PPIL3: variants seen among roughly 807,000 people sequenced by gnomAD.
The protein encoded by PPIL3 is peptidylprolyl isomerase like 3.
In PPIL3, 13 loss-of-function variants were observed where a neutral mutation model predicts 20.9. The observed-to-expected ratio is 0.62, with a 90% CI of 0.40 to 0.99. The LOEUF (loss-of-function observed/expected upper bound fraction) is 0.99, where lower values mean the gene tolerates loss of function less well. Ranked by LOEUF, PPIL3 falls within the 50% of genes least tolerant of loss-of-function variation. PPIL3 has a pLI of 0.00. For missense variants in PPIL3, 170 were observed against 195.2 expected, an observed-to-expected ratio of 0.87 and a Z score of 0.77; for synonymous variants, 71 against 64.4, an observed-to-expected ratio of 1.10 and a Z score of -0.49.
Position 200,876,694 on chromosome 2 carries a change from A to C in PPIL3, c.359+225T>G, listed in dbSNP as rs1248414549. ...CACCACATCCAACTAATTTTTTAAA[A>C]TATTTTTAGTAGAGACAGGGGTTCT... On this transcript the variant is annotated intron_variant, in intron 6 of 6. Transcript: ENST00000392283. Among the ~76,000 whole-genome samples, 3 of 152,002 alleles carry C rather than the reference A, an allele frequency of 2.0e-5. No individual in the cohort carries two copies. In the East Asian group the frequency reaches 5.8e-4, roughly 29 times the overall value.
intron 2 of PPIL3, chr2:200,886,813 G>C (rs1403781308): frequency 6.6e-6 from 1 of 152,058 alleles, no homozygotes; most frequent in Non-Finnish European, 1.5e-5. Flanking sequence ...TCAGGTTCTA[G>C]TTGCCCACTT....
chr2:200,881,163 T>C (rs2039707033), intron 5 of PPIL3, among the ~76,000 whole-genome samples: 1 of 152,186 alleles, frequency 6.6e-6, no homozygotes, highest in Non-Finnish European at 1.5e-5. Context: ...ACACTACTAG[T>C]TAAACATTTC....
chr2:200,882,539 T>C, intron 3 of PPIL3, 104 bp from the exon 4 acceptor site: 1 of 762,444 alleles, frequency 1.3e-6, no homozygotes, highest in Non-Finnish European at 2.4e-6. Context: ...ATTTAAACTA[T>C]GACTGTTGTC....
At chr2:200,874,308 C>T (rs1312084974) in intron 6 of PPIL3, among the ~76,000 whole-genome samples, 4 of 151,384 alleles carry the variant, frequency 2.6e-5, no homozygotes, top group Non-Finnish European at 5.9e-5. Context: ...TAAATATAGA[C>T]ATTTAAGTCT....
intron 5 of PPIL3, among the ~76,000 whole-genome samples, chr2:200,878,212 C>A (rs1181102193): frequency 2.0e-5 from 3 of 152,048 alleles, no homozygotes; most frequent in African/African-American, 7.2e-5. Flanking sequence ...AATAAGCACC[C>A]ATTAACATAT....
rs1335367667 is a variant in PPIL3, at chr2:200,885,751, C to T, written c.25G>A (p.Val9Ile). 1.8e-5 allele frequency: 29 copies of T among 1,592,056 alleles called. No homozygotes were observed. The highest frequency in any genetic ancestry group is 2.4e-5 in the Non-Finnish European group (28 of 1,163,234). The change falls in exon 3 of 7, where the codon GTA (valine) becomes ATA (isoleucine). Residue 9 changes from valine to isoleucine, a missense_variant. Transcript: ENST00000392283. ...AAGACTTCAATTTTAATATCACCTA[C>T]ATCTGTATGCAGTGTCACAGACTAA... MSVTLHTD[V>I]GDIKIEVFCE...
intron 4 of PPIL3, 171 bp from the exon 5 acceptor site, chr2:200,881,659 A>G: frequency 1.8e-6 from 1 of 551,584 alleles, no homozygotes; most frequent in Non-Finnish European, 3.1e-6. Context: ...AGATTAAAAC[A>G]GACCTACAAA....
rs779189285 is a variant in PPIL3, at chr2:200,880,409, C to CTTT, written c.240+1009_240+1011dup. ...AAACTGCATATTTTGATTGAGTAGA[C>CTTT]TTTTTTTTTTTTTTGAGTGGGGTCT... On this transcript the variant is annotated intron_variant, in intron 5 of 6. Coordinates refer to ENST00000392283, the MANE Select transcript of PPIL3 (RefSeq NM_130906.3). Among the ~76,000 whole-genome samples the CTTT allele has an allele frequency of 8.3e-5, 11 of 131,888 alleles. 1 individual carries two copies. The highest frequency in any genetic ancestry group is 3.4e-4 in the African/African-American group (11 of 32,488). The allele number at this position is 131,888 out of a possible 152,430, so 86.5% of individuals were successfully genotyped here. A position where few individuals can be genotyped will look rare whatever the true frequency, so the allele number is the denominator to read the frequency against.
At chr2:200,875,590 T>C (rs527720126) in intron 6 of PPIL3, among the ~76,000 whole-genome samples, 1 of 152,000 alleles carries the variant, frequency 6.6e-6, no homozygotes, top group East Asian at 1.9e-4. Context: ...TCTTTTTTTT[T>C]TTAGAGATAG....
intron 4 of PPIL3, chr2:200,881,784 T>G (rs1261126501): frequency 2.9e-6 from 1 of 342,086 alleles, no homozygotes; most frequent in Non-Finnish European, 5.3e-6. Context: ...TTCTCTGTAT[T>G]GTTCAAATTT....
rs2039997204 is a variant in PPIL3, at chr2:200,887,670, G to A, written c.-55C>T. On this transcript the variant is annotated 5_prime_UTR_variant, in exon 2 of 7. Transcript: ENST00000392283. ...ACGTGATTTCTCAGTCTTACAGCGA[G>A]CTCAAAAATAAGTCTCTAGTCCCAA... The A allele has an allele frequency of 6.6e-6, 10 of 1,514,334 alleles. No homozygotes were observed. Among genetic ancestry groups the A allele is most frequent in the African/African-American group, 2.8e-5 (2 of 71,668 alleles). 93.8% of individuals were successfully genotyped at this position (1,514,334 alleles called of 1,614,324 possible).
At position 200,882,394 on chromosome 2, in the gene PPIL3, A is replaced by G; in HGVS notation, c.120T>C (p.Cys40=). 1.2e-6 allele frequency: 2 copies of G among 1,608,648 alleles called. No individual in the cohort carries two copies. Among genetic ancestry groups the G allele is most frequent in the Middle Eastern group, 1.7e-4 (1 of 6,052 alleles). Reference sequence around the variant, plus strand: ...AACCCTTGATATTCCTATGAAATATACAGCCATTGTAGTAATTACTGGCAC... The same window carrying G: ...AACCCTTGATATTCCTATGAAATATGCAGCCATTGTAGTAATTACTGGCAC... ...ALCASNYYNG[C]IFHRNIKGFM... Residue 40 remains cysteine (C), a synonymous_variant, in exon 4 of 7, where the codon TGT becomes TGC. Transcript: ENST00000392283.
intron 6 of PPIL3, among the ~76,000 whole-genome samples, chr2:200,873,819 C>G (rs1575093600): frequency 6.6e-6 from 1 of 151,942 alleles, no homozygotes. Context: ...GTGGAATTTT[C>G]TACTTGTGGC....
intron 6 of PPIL3, among the ~76,000 whole-genome samples, chr2:200,875,722 G>A (rs1377276136): frequency 6.6e-6 from 1 of 151,896 alleles, no homozygotes; most frequent in African/African-American, 2.4e-5. Context: ...ACAGGTGTGT[G>A]TCACCACACT....
rs762732063 is a variant in PPIL3, at chr2:200,885,244, G to A, written c.78+454C>T. 3.8e-4 allele frequency: 113 copies of A among 295,234 alleles called. 1 individual carries two copies. The highest frequency in any genetic ancestry group is 6.3e-4 in the Non-Finnish European group (102 of 163,174). 18.3% of individuals were successfully genotyped at this position (295,234 alleles called of 1,614,324 possible). A position where few individuals can be genotyped will look rare whatever the true frequency, so the allele number is the denominator to read the frequency against. ...AAATTAGCCAGGCATGGTGGCGCACGCCTGTAATCCCACTTACTCGGGAGG... is the reference window on the plus strand; with the variant it reads ...AAATTAGCCAGGCATGGTGGCGCACACCTGTAATCCCACTTACTCGGGAGG... On this transcript the variant is annotated intron_variant, in intron 3 of 6. Transcript: ENST00000392283.
rs988365342 is a variant in PPIL3 at position 200,872,633 on chromosome 2, G to A, written c.360-1112C>T. On this transcript the variant is annotated intron_variant, in intron 6 of 6. Transcript: ENST00000392283. ...CATAAACTCAGGTATGGTTGAATGG[G>A]GTTTATTATGAACAATAAAATATTC... Among the ~76,000 whole-genome samples, 23 of 151,818 alleles carry A rather than the reference G, an allele frequency of 1.5e-4. 1 individual carries two copies. The highest frequency in any genetic ancestry group is 5.6e-4 in the African/African-American group (23 of 41,308).
At chr2:200,876,814 C>T (rs1048418335) in intron 6 of PPIL3, 105 bp downstream of exon 6, 38 of 895,236 alleles carry the variant, frequency 4.2e-5, no homozygotes, top group African/African-American at 1.5e-4. Context: ...TGAGGCACTG[C>T]GCTCGGCCTC....
intron 3 of PPIL3, 157 bp downstream of exon 3, chr2:200,885,541 A>G: frequency 3.3e-6 from 2 of 605,494 alleles, no homozygotes; most frequent in Non-Finnish European, 2.9e-6. Context: ...CATTGGACAA[A>G]TAAGTGGAAA....
intron 3 of PPIL3, among the ~76,000 whole-genome samples, chr2:200,884,669 G>A (rs1228965522): frequency 1.3e-5 from 2 of 152,088 alleles, no homozygotes; most frequent in Admixed American, 6.6e-5. Context: ...GAGCCCAGGA[G>A]GTTGAGGCTG....
Sources: gnomAD v4.1 joint callset for allele counts (sites outside exome capture counted in the v4.1 genomes callset) on GRCh38, gnomAD v4.1.1 for gene constraint, MANE v1.5 for transcripts, NCBI Gene and HGNC (gene_info 2026-07-23, HGNC 2026-07-21) for gene names.